RAP1GAP2: variants seen among roughly 807,000 people sequenced by gnomAD.
RAP1GAP2 encodes RAP1 GTPase activating protein 2.
RAP1GAP2 carries 27 observed loss-of-function variants against 95.0 expected under a neutral mutation model. The observed-to-expected ratio is 0.28, with a 90% CI of 0.21 to 0.39. The LOEUF (loss-of-function observed/expected upper bound fraction) is 0.39, where lower values mean the gene tolerates loss of function less well. Among genes scored for constraint, RAP1GAP2 ranks in the 10% least tolerant of loss-of-function variants. The pLI is 1.00. For missense variants in RAP1GAP2, 771 were observed against 970.0 expected (o/e 0.79, Z 2.72); for synonymous variants, 373 against 380.9 (o/e 0.98, Z 0.24).
At chr17:2,868,516 A>ATTTTTTTTTTTTTTTTTTT (rs71153307) in intron 2 of RAP1GAP2, among the ~76,000 whole-genome samples, 1 of 122,832 alleles carries the variant, frequency 8.1e-6, no homozygotes, top group African/African-American at 3.0e-5. Flanking sequence ...ACCAGGTGCA[A>ATTTTTTTTTTTTTTTTTTT]TTTTTTTTTT....
At chr17:3,020,649 C>T in intron 19 of RAP1GAP2, 54 bp downstream of exon 19, 1 of 1,481,400 alleles carries the variant, frequency 6.8e-7, no homozygotes, top group Non-Finnish European at 9.3e-7. Context: ...TGTCAACCCC[C>T]TCCACTGCTA....
intron 1 of RAP1GAP2, among the ~76,000 whole-genome samples, chr17:2,785,899 C>CTTTTTT (rs386385450): frequency 1.7e-5 from 2 of 119,950 alleles, no homozygotes; most frequent in African/African-American, 3.2e-5. Flanking sequence ...AAAAGTATGA[C>CTTTTTT]TTTTTTTTTT....
intron 2 of RAP1GAP2, among the ~76,000 whole-genome samples, chr17:2,800,776 G>C (rs1387052039): frequency 6.6e-6 from 1 of 152,100 alleles, no homozygotes; most frequent in East Asian, 1.9e-4. Flanking sequence ...GGCTAGAATG[G>C]TGGGAGTGTG....
At chr17:2,779,043 C>G (rs180948395) in intron 1 of RAP1GAP2, among the ~76,000 whole-genome samples, 1 of 152,154 alleles carries the variant, frequency 6.6e-6, no homozygotes, top group Non-Finnish European at 1.5e-5. Context: ...GTACTCCACA[C>G]GGCAGCTTCC....
At chr17:3,000,134 A>G (rs557019301) in intron 14 of RAP1GAP2, among the ~76,000 whole-genome samples, 12 of 152,220 alleles carry the variant, frequency 7.9e-5, no homozygotes, top group African/African-American at 2.6e-4. Context: ...TTTTTAGTAG[A>G]GACGGGGTTT....
intron 1 of RAP1GAP2, among the ~76,000 whole-genome samples, chr17:2,757,467 A>T (rs2071168737): frequency 6.6e-6 from 1 of 152,108 alleles, no homozygotes; most frequent in Non-Finnish European, 1.5e-5. Flanking sequence ...GTGGGCAGTT[A>T]GTGTCCCTTT....
At chr17:3,013,632 CTTTTTT>C (rs998163717) in intron 17 of RAP1GAP2, among the ~76,000 whole-genome samples, 1 of 78,878 alleles carries the variant, frequency 1.3e-5, no homozygotes, top group East Asian at 3.7e-4. Flanking sequence ...CTTTTCTTTT[CTTTTTT>C]TTTTTTTTTT....
chr17:3,028,608 G>C, intron 22 of RAP1GAP2, among the ~76,000 whole-genome samples: 1 of 152,188 alleles, frequency 6.6e-6, no homozygotes, highest in East Asian at 1.9e-4. Flanking sequence ...ATGAAGGGAA[G>C]ATCGTGATTC....
rs151084153 is a variant in RAP1GAP2, at chr17:2,803,678, C to T, written c.80+3128C>T. Reference sequence around the variant, plus strand: ...TGGATCATTTGAGGTCAGGAGTTTGCGACAAGCCTGACCAACATGGTAAAA... The same window carrying T: ...TGGATCATTTGAGGTCAGGAGTTTGTGACAAGCCTGACCAACATGGTAAAA... On this transcript the variant is annotated intron_variant, in intron 2 of 24. Coordinates refer to ENST00000254695, the MANE Select transcript of RAP1GAP2 (RefSeq NM_015085.5). Among the ~76,000 whole-genome samples the T allele has an allele frequency of 7.2e-5, 11 of 152,218 alleles. No homozygotes were observed. The East Asian group carries it at 1.6e-3, about 21-fold the overall frequency.
rs1016649777 is a variant in RAP1GAP2, at chr17:3,031,025, A to G, written c.2184+27A>G. 6 of 1,564,100 alleles carry G rather than the reference A, an allele frequency of 3.8e-6. No homozygotes were observed. In the Admixed American group the frequency reaches 5.4e-5, roughly 14 times the overall value. ...TAAGGATGCGCCTCCCACACCCCAC[A>G]CTCCACTTTCTGCAGAGGCCCAGCC... On this transcript the variant is annotated intron_variant, in intron 23 of 24. Coordinates refer to ENST00000254695, the MANE Select transcript of RAP1GAP2 (RefSeq NM_015085.5).
chr17:2,832,012 T>C (rs2070875932), intron 2 of RAP1GAP2, among the ~76,000 whole-genome samples: 1 of 151,242 alleles, frequency 6.6e-6, no homozygotes, highest in Non-Finnish European at 1.5e-5. Context: ...GAGACCAGCC[T>C]GCCCAATATG....
At chr17:2,868,961 G>A in intron 2 of RAP1GAP2, among the ~76,000 whole-genome samples, 1 of 152,156 alleles carries the variant, frequency 6.6e-6, no homozygotes, top group East Asian at 1.9e-4. Flanking sequence ...ACTGGCAGAT[G>A]GGGTGTCTCA....
chr17:2,909,449 A>T (rs2042300341), intron 3 of RAP1GAP2, among the ~76,000 whole-genome samples: 1 of 151,898 alleles, frequency 6.6e-6, no homozygotes, highest in Non-Finnish European at 1.5e-5. Context: ...GGTACTTGTG[A>T]GGTGGGGAGC....
intron 3 of RAP1GAP2, among the ~76,000 whole-genome samples, chr17:2,922,562 C>T (rs1010268335): frequency 6.6e-6 from 1 of 152,132 alleles, no homozygotes; most frequent in Admixed American, 6.6e-5. Context: ...AGTGCCACTG[C>T]AAGGGTGTGT....
At chr17:2,933,775 C>G (rs532426811) in intron 3 of RAP1GAP2, among the ~76,000 whole-genome samples, 43 of 152,376 alleles carry the variant, frequency 2.8e-4, no homozygotes, top group South Asian at 8.3e-4. Flanking sequence ...CCAGTTCCCC[C>G]ACTAAGAGGC....
chr17:2,766,983 T>G (rs1311371771), intron 1 of RAP1GAP2, among the ~76,000 whole-genome samples: 1 of 145,754 alleles, frequency 6.9e-6, no homozygotes, highest in Non-Finnish European at 1.5e-5. Context: ...AGCTGCACAG[T>G]TTTTTTTTTT....
intron 3 of RAP1GAP2, among the ~76,000 whole-genome samples, chr17:2,954,528 T>C (rs936735974): frequency 1.1e-4 from 16 of 152,158 alleles, no homozygotes; most frequent in Non-Finnish European, 2.4e-4. Flanking sequence ...CCTCCTCCTG[T>C]AGTGAGGGAA....
In RAP1GAP2 at chr17:2,951,545, C is replaced by G. The variant is rs543637331; in HGVS notation, c.166-6214C>G. ...ACCAGCCTGGGCAACATGATGAAAC[C>G]CTGTTTCTACTAAAAATACAAAAAT... On this transcript the variant is annotated intron_variant, in intron 3 of 24. Transcript: ENST00000254695. 3.3e-5 allele frequency among the ~76,000 whole-genome samples: 5 copies of G among 151,660 alleles called. 1 individual carries two copies. The South Asian group carries it at 1.0e-3, about 32-fold the overall frequency.
rs548016026 is a variant in RAP1GAP2 at position 2,954,340 on chromosome 17, G to A, written c.166-3419G>A. Among the ~76,000 whole-genome samples, 269 of 151,972 alleles carry A rather than the reference G, an allele frequency of 1.8e-3. 1 individual carries two copies. The highest frequency in any genetic ancestry group is 6.0e-3 in the African/African-American group (251 of 41,494). ...AGGATGGTCTCGATCTCCTGACCTC[G>A]TGATCCGCCCGCCTCGGCCTCCCAA... is the stretch of plus-strand genomic sequence containing the variant. On this transcript the variant is annotated intron_variant, in intron 3 of 24. Transcript: ENST00000254695.
Sources: allele counts gnomAD v4.1 joint callset (sites outside exome capture counted in the v4.1 genomes callset), GRCh38; gene constraint gnomAD v4.1.1; transcripts MANE v1.5; gene names NCBI Gene and HGNC (gene_info 2026-07-23, HGNC 2026-07-21).